KCNMA1: variants seen among roughly 807,000 people sequenced by gnomAD.
KCNMA1 encodes Calcium-activated potassium channel subunit alpha-1.
A neutral mutation model predicts 140.0 loss-of-function variants in KCNMA1; 29 were observed. That is an observed-to-expected ratio of 0.21 (90% CI 0.15 to 0.28). The LOEUF (loss-of-function observed/expected upper bound fraction) is 0.28, where lower values mean the gene tolerates loss of function less well. Among genes scored for constraint, KCNMA1 ranks in the 10% least tolerant of loss-of-function variants. KCNMA1 has a pLI of 1.00. For synonymous variants in KCNMA1, 612 were observed against 611.9 expected (o/e 1.00, Z 0.00); for missense variants, 880 against 1,602.2 (o/e 0.55, Z 7.70).
At chr10:77,010,423 T>G (rs558200132) in intron 18 of KCNMA1, among the ~76,000 whole-genome samples, 1 of 151,984 alleles carries the variant, frequency 6.6e-6, no homozygotes, top group Non-Finnish European at 1.5e-5. Context: ...TTGTTCTCTC[T>G]TAGATGCTCT....
intron 5 of KCNMA1, among the ~76,000 whole-genome samples, chr10:77,165,012 A>G (rs1313264860): frequency 6.6e-6 from 1 of 152,192 alleles, no homozygotes; most frequent in East Asian, 1.9e-4. Flanking sequence ...CATAATAGAA[A>G]GAAAAAAATA....
chr10:77,188,555 T>C lies in KCNMA1; in HGVS notation c.603-3639A>G, dbSNP rs79269419. ...CCTTCAAAAGAGCCTCAGTAAAGAG[T>C]TGATTCTTATGGAGTAAATGTTCAG... On this transcript the variant is annotated intron_variant, in intron 3 of 27. Transcript: ENST00000286628. Among the ~76,000 whole-genome samples, 1,038 of 152,080 alleles carry C rather than the reference T, an allele frequency of 6.8e-3. 10 individuals are homozygous for C. Among genetic ancestry groups the C allele is most frequent in the African/African-American group, 0.022 (922 of 41,488 alleles).
At chr10:77,592,249 C>T (rs2079432998) in intron 1 of KCNMA1, among the ~76,000 whole-genome samples, 1 of 152,202 alleles carries the variant, frequency 6.6e-6, no homozygotes, top group African/African-American at 2.4e-5. Flanking sequence ...CAGCACTCTT[C>T]ACCAATGTCA....
At chr10:76,986,592 T>C (rs553409661) in intron 19 of KCNMA1, among the ~76,000 whole-genome samples, 1 of 152,250 alleles carries the variant, frequency 6.6e-6, no homozygotes, top group Admixed American at 6.5e-5. Context: ...AAGATTCGAG[T>C]TGGGGGCTTA....
In KCNMA1 at chr10:76,950,591, C is replaced by G. The variant is rs188897075; in HGVS notation, c.2485-1225G>C. 3.3e-5 allele frequency among the ~76,000 whole-genome samples: 5 copies of G among 152,302 alleles called. No individual in the cohort carries two copies. The East Asian group carries it at 9.7e-4, about 29-fold the overall frequency. On this transcript the variant is annotated intron_variant, in intron 21 of 27. Coordinates refer to ENST00000286628, the MANE Select transcript of KCNMA1 (RefSeq NM_001161352.2). ...TCCACCCACTGCATGCCTGGATGGC[C>G]CCATGTGGCTTACAATGCTTTGGGG...
At chr10:77,224,457 C>T (rs1285510169) in intron 3 of KCNMA1, among the ~76,000 whole-genome samples, 1 of 152,212 alleles carries the variant, frequency 6.6e-6, no homozygotes, top group Non-Finnish European at 1.5e-5. Flanking sequence ...CTATGACAGT[C>T]TTTACACTAC....
intron 16 of KCNMA1, chr10:77,022,952 C>T: frequency 2.2e-6 from 1 of 455,120 alleles, no homozygotes; most frequent in Non-Finnish European, 4.4e-6. Flanking sequence ...AAAGTTGGGG[C>T]AATTGATTTC....
At chr10:77,341,017 A>G (rs1207968870) in intron 2 of KCNMA1, among the ~76,000 whole-genome samples, 1 of 152,156 alleles carries the variant, frequency 6.6e-6, no homozygotes, top group African/African-American at 2.4e-5. Context: ...ATGCTCTGCC[A>G]TGCTTTAGGT....
intron 1 of KCNMA1, among the ~76,000 whole-genome samples, chr10:77,405,244 T>G (rs773668479): frequency 7.2e-5 from 11 of 152,240 alleles, no homozygotes; most frequent in African/African-American, 2.4e-4. Flanking sequence ...CTGTTTAAAT[T>G]TGCAACACTT....
chr10:76,883,476 G>A (rs986014405), downstream of KCNMA1, among the ~76,000 whole-genome samples: 1 of 152,142 alleles, frequency 6.6e-6, no homozygotes, highest in Non-Finnish European at 1.5e-5. Flanking sequence ...AAGAACCTGG[G>A]TAGCAGACTT....
intron 25 of KCNMA1, among the ~76,000 whole-genome samples, chr10:76,899,526 C>A (rs139364065): frequency 2.6e-5 from 4 of 152,040 alleles, no homozygotes; most frequent in Admixed American, 2.6e-4. Context: ...TTGTTGGGAC[C>A]CAGCCATGTC....
At chr10:77,225,083 T>C (rs2050888531) in intron 3 of KCNMA1, among the ~76,000 whole-genome samples, 1 of 152,204 alleles carries the variant, frequency 6.6e-6, no homozygotes, top group South Asian at 2.1e-4. Context: ...GCGAATCCAG[T>C]TGGCAATGCT....
chr10:76,879,267 A>T (rs1165681332), intron 29 of KCNMA1, among the ~76,000 whole-genome samples: 3 of 152,188 alleles, frequency 2.0e-5, no homozygotes, highest in Non-Finnish European at 4.4e-5. Flanking sequence ...CCTGAGTCAA[A>T]GCCTCGCCCC....
At chr10:77,306,225 AG>A (rs1189883485) in intron 2 of KCNMA1, among the ~76,000 whole-genome samples, 1 of 152,240 alleles carries the variant, frequency 6.6e-6, no homozygotes, top group Non-Finnish European at 1.5e-5. Flanking sequence ...GGACCTTGCA[AG>A]GGTCCCTGAA....
At chr10:77,244,967 G>T (rs11593851) in intron 3 of KCNMA1, among the ~76,000 whole-genome samples, 7,338 of 151,794 alleles carry the variant, frequency 0.048, 214 homozygotes, top group Non-Finnish European at 0.066. Context: ...GTGCAGTGCC[G>T]TTCTGAACAT....
intron 13 of KCNMA1, among the ~76,000 whole-genome samples, chr10:77,078,886 C>A (rs548530630): frequency 6.6e-5 from 10 of 152,228 alleles, no homozygotes; most frequent in Non-Finnish European, 1.5e-4. Flanking sequence ...TAGTTCTGAA[C>A]CTCGGGTTCC....
At chr10:77,116,743 C>A (rs2097481344) in intron 6 of KCNMA1, among the ~76,000 whole-genome samples, 1 of 152,102 alleles carries the variant, frequency 6.6e-6, no homozygotes, top group East Asian at 1.9e-4. Flanking sequence ...TAAGGCCATG[C>A]CCTAATACCT....
In KCNMA1 at chr10:77,436,984, AC is replaced by A. The variant is rs879862091; in HGVS notation, c.379-32962del. Among the ~76,000 whole-genome samples the A allele has an allele frequency of 3.1e-4, 46 of 148,726 alleles. No homozygotes were observed. The East Asian group carries it at 7.8e-3, about 25-fold the overall frequency. ...CACACACACACACACACACACACAC[AC>A]ACACACACACACTCCTTCAGCCAAA... On this transcript the variant is annotated intron_variant, in intron 1 of 27. Transcript: ENST00000286628.
In KCNMA1 at chr10:77,049,308, G is replaced by T. The variant is rs2095263902; in HGVS notation, c.1750-9671C>A. ...TTTCCTCATTTCACCAATGTGCTGTGCTGTCCCTGCCTTAATGGGAATAGT... is the reference window on the plus strand; with the variant it reads ...TTTCCTCATTTCACCAATGTGCTGTTCTGTCCCTGCCTTAATGGGAATAGT... On this transcript the variant is annotated intron_variant, in intron 14 of 27. Coordinates refer to ENST00000286628, the MANE Select transcript of KCNMA1 (RefSeq NM_001161352.2). Among the ~76,000 whole-genome samples the T allele has an allele frequency of 3.9e-5, 6 of 152,116 alleles. No homozygotes were observed. The South Asian group carries it at 1.2e-3, about 31-fold the overall frequency.
Sources: gnomAD v4.1 joint callset for allele counts (sites outside exome capture counted in the v4.1 genomes callset) on GRCh38, gnomAD v4.1.1 for gene constraint, MANE v1.5 for transcripts, NCBI Gene and HGNC (gene_info 2026-07-23, HGNC 2026-07-21) for gene names.